Variants in PLCL1 observed in about 807,000 individuals in gnomAD.
PLCL1 encodes the protein phospholipase C like 1 (inactive).
PLCL1 carries 41 observed loss-of-function variants against 84.4 expected under a neutral mutation model. The observed-to-expected ratio is 0.49, with a 90% CI of 0.38 to 0.63. The LOEUF (loss-of-function observed/expected upper bound fraction) is 0.63. PLCL1 is among the 30% of genes least tolerant of loss of function. PLCL1 has a pLI of 0.00. For synonymous variants in PLCL1, 490 were observed against 488.3 expected, an observed-to-expected ratio of 1.00 and a Z score of -0.05; for missense variants, 1,206 against 1,367.8, an observed-to-expected ratio of 0.88 and a Z score of 1.87.
intron 5 of PLCL1, among the ~76,000 whole-genome samples, chr2:198,135,879 T>C (rs889554753): frequency 1.3e-5 from 2 of 152,220 alleles, no homozygotes; most frequent in Non-Finnish European, 2.9e-5. Context: ...ATTCCAATAG[T>C]GAGCAACGCT....
intron 3 of PLCL1, among the ~76,000 whole-genome samples, chr2:198,091,044 G>T (rs1422316372): frequency 1.3e-5 from 2 of 152,214 alleles, no homozygotes; most frequent in Non-Finnish European, 2.9e-5. Flanking sequence ...AAAGGCTACG[G>T]TGGAAGCAGA....
chr2:197,985,064 G>A (rs940736560), intron 1 of PLCL1, among the ~76,000 whole-genome samples: 6 of 152,028 alleles, frequency 3.9e-5, no homozygotes, highest in Non-Finnish European at 7.4e-5. Flanking sequence ...GATTAGCACA[G>A]CAATTTTTTG....
At position 198,083,887 on chromosome 2, in the gene PLCL1, G is replaced by A. The variant is rs1356808017; in HGVS notation, c.370G>A (p.Val124Ile). The A allele has an allele frequency of 1.9e-6, 3 of 1,614,158 alleles. No homozygotes were observed. Among genetic ancestry groups the A allele is most frequent in the Non-Finnish European group, 2.5e-6 (3 of 1,180,002 alleles). ...GCAAGCTGGCTGTGAGTTGAAGAAAGTCCGGCCAAATTCTCGCATTTACAA... is the reference window on the plus strand; with the variant it reads ...GCAAGCTGGCTGTGAGTTGAAGAAAATCCGGCCAAATTCTCGCATTTACAA... ...FMQAGCELKKVRPNSRIYNRF... is the reference protein window; with the variant it reads ...FMQAGCELKKIRPNSRIYNRF... Residue 124 changes from valine (V) to isoleucine (I), a missense_variant, in exon 2 of 6, where the codon GTC (valine) becomes ATC (isoleucine). Transcript: ENST00000428675.
At chr2:197,997,435 T>A (rs994905834) in intron 1 of PLCL1, among the ~76,000 whole-genome samples, 1 of 152,234 alleles carries the variant, frequency 6.6e-6, no homozygotes, top group Admixed American at 6.5e-5. Flanking sequence ...TGACAGGTGA[T>A]GACTATGTTA....
chr2:198,077,002 C>T (rs967849421), intron 1 of PLCL1, among the ~76,000 whole-genome samples: 4 of 152,186 alleles, frequency 2.6e-5, no homozygotes, highest in African/African-American at 9.7e-5. Flanking sequence ...GAATTCCATT[C>T]TGTGATCACA....
intron 1 of PLCL1, among the ~76,000 whole-genome samples, chr2:197,856,279 T>C (rs1427473338): frequency 6.6e-6 from 1 of 152,200 alleles, no homozygotes; most frequent in Admixed American, 6.5e-5. Flanking sequence ...ATAGTTGTCA[T>C]ATCCAACCAT....
intron 1 of PLCL1, among the ~76,000 whole-genome samples, chr2:197,916,685 A>G (rs1688606290): frequency 6.6e-6 from 1 of 151,866 alleles, no homozygotes; most frequent in East Asian, 1.9e-4. Flanking sequence ...ATTGCATACC[A>G]GATACTGCCC....
intron 1 of PLCL1, among the ~76,000 whole-genome samples, chr2:198,023,553 G>A (rs1346847859): frequency 6.6e-6 from 1 of 152,026 alleles, no homozygotes; most frequent in African/African-American, 2.4e-5. Flanking sequence ...AAATTTACAA[G>A]AGAAAAAACA....
intron 1 of PLCL1, among the ~76,000 whole-genome samples, chr2:197,912,253 C>T (rs1688496483): frequency 6.6e-6 from 1 of 151,970 alleles, no homozygotes; most frequent in South Asian, 2.1e-4. Context: ...GATACCATCT[C>T]ACACCAGTTA....
intron 1 of PLCL1, among the ~76,000 whole-genome samples, chr2:198,022,291 A>G (rs1691154338): frequency 6.6e-6 from 1 of 152,200 alleles, no homozygotes; most frequent in Non-Finnish European, 1.5e-5. Context: ...AATGGGCAAT[A>G]TCATACTGAA....
At chr2:197,886,411 C>CAAAAAAAAAAAAAAAAAAAAAAAAAA (rs61183744) in intron 1 of PLCL1, among the ~76,000 whole-genome samples, 2 of 77,110 alleles carry the variant, frequency 2.6e-5, no homozygotes, top group African/African-American at 4.2e-5. Flanking sequence ...GACTCTGTCT[C>CAAAAAAAAAAAAAAAAAAAAAAAAAA]AAAAAAAAAA....
At chr2:198,113,110 T>C (rs1693661047) in intron 5 of PLCL1, among the ~76,000 whole-genome samples, 1 of 151,892 alleles carries the variant, frequency 6.6e-6, no homozygotes, top group African/African-American at 2.4e-5. Context: ...GGACGAGGTA[T>C]CTGAAAAGAT....
chr2:197,921,355 A>G (rs529567910), intron 1 of PLCL1, among the ~76,000 whole-genome samples: 1 of 152,278 alleles, frequency 6.6e-6, no homozygotes, highest in South Asian at 2.1e-4. Context: ...ATGAAATAGG[A>G]AAACAAGAGG....
chr2:198,011,236 T>C (rs992459861), intron 1 of PLCL1, among the ~76,000 whole-genome samples: 1 of 151,988 alleles, frequency 6.6e-6, no homozygotes, highest in African/African-American at 2.4e-5. Flanking sequence ...TCTTTTTTAA[T>C]GTAGATGTTT....
intron 5 of PLCL1, among the ~76,000 whole-genome samples, chr2:198,121,523 A>G (rs958884134): frequency 3.3e-5 from 5 of 152,058 alleles, no homozygotes; most frequent in African/African-American, 1.2e-4. Flanking sequence ...TCTTTTGAAT[A>G]TGGACATCCA....
At chr2:198,109,544 C>T (rs1239980089) in intron 5 of PLCL1, among the ~76,000 whole-genome samples, 1 of 151,898 alleles carries the variant, frequency 6.6e-6, no homozygotes, top group Non-Finnish European at 1.5e-5. Flanking sequence ...CCAACATATT[C>T]TAGTACATTG....
At chr2:197,884,283 A>G (rs2105718176) in intron 1 of PLCL1, among the ~76,000 whole-genome samples, 1 of 152,302 alleles carries the variant, frequency 6.6e-6, no homozygotes, top group African/African-American at 2.4e-5. Context: ...TGGATGTTGG[A>G]GCTCCAAGCC....
At chr2:197,924,729 T>G (rs1001773366) in intron 1 of PLCL1, among the ~76,000 whole-genome samples, 1 of 151,982 alleles carries the variant, frequency 6.6e-6, no homozygotes, top group African/African-American at 2.4e-5. Context: ...TTTAGCATCC[T>G]TCTTATCTGG....
intron 1 of PLCL1, among the ~76,000 whole-genome samples, chr2:198,004,210 G>T (rs899203434): frequency 3.2e-4 from 49 of 151,910 alleles, no homozygotes; most frequent in African/African-American, 1.1e-3. Flanking sequence ...CTAGCCTTTT[G>T]TGGAAACTCA....
Sources: gnomAD v4.1 joint callset for allele counts (sites outside exome capture counted in the v4.1 genomes callset) on GRCh38, gnomAD v4.1.1 for gene constraint, MANE v1.5 for transcripts, NCBI Gene and HGNC (gene_info 2026-07-23, HGNC 2026-07-21) for gene names.